IQCM: variants seen among roughly 807,000 people sequenced by gnomAD.
IQCM encodes IQ domain-containing protein M.
A neutral mutation model predicts 57.6 loss-of-function variants in IQCM; 45 were observed. The observed-to-expected ratio is 0.78, with a 90% CI of 0.62 to 1.00. The LOEUF (loss-of-function observed/expected upper bound fraction) is 1.00, where lower values mean the gene tolerates loss of function less well. Ranked by LOEUF, IQCM falls within the 50% of genes least tolerant of loss-of-function variation. The pLI is 0.00. For missense variants in IQCM, 468 were observed against 511.6 expected (o/e 0.91, Z 0.82); for synonymous variants, 148 against 158.9 (o/e 0.93, Z 0.51).
chr4:149,669,143 T>A (rs1432416341), intron 7 of IQCM, among the ~76,000 whole-genome samples: 1 of 152,158 alleles, frequency 6.6e-6, no homozygotes, highest in African/African-American at 2.4e-5. Context: ...GCACCTGTTG[T>A]GTTTCCTGAC....
chr4:149,696,074 T>A (rs1483262713), intron 5 of IQCM, among the ~76,000 whole-genome samples: 2 of 152,320 alleles, frequency 1.3e-5, no homozygotes, highest in East Asian at 3.9e-4. Context: ...CCACACTTCA[T>A]AACAAAATGT....
chr4:149,445,840 T>C (rs570381253), intron 12 of IQCM, among the ~76,000 whole-genome samples: 1 of 151,930 alleles, frequency 6.6e-6, no homozygotes, highest in South Asian at 2.1e-4. Context: ...AAAAGGAATA[T>C]CATTTTTTCC....
chr4:149,624,092 A>C (rs567705457), intron 7 of IQCM, among the ~76,000 whole-genome samples: 1 of 151,854 alleles, frequency 6.6e-6, no homozygotes, highest in East Asian at 2.0e-4. Context: ...TGAGACTTAA[A>C]AGTCTTTCAC....
intron 5 of IQCM, chr4:149,690,984 T>C (rs1762903471): frequency 6.6e-6 from 1 of 152,138 alleles, no homozygotes; most frequent in Non-Finnish European, 1.5e-5. Flanking sequence ...CCTTGTTTAC[T>C]TCAGAAGGTA....
At chr4:149,638,142 A>G (rs1000410054) in intron 7 of IQCM, among the ~76,000 whole-genome samples, 5 of 152,222 alleles carry the variant, frequency 3.3e-5, no homozygotes, top group African/African-American at 1.2e-4. Flanking sequence ...TATTCACAAT[A>G]GAAAATAGAC....
chr4:149,436,111 T>A (rs1315176620), intron 12 of IQCM, among the ~76,000 whole-genome samples: 1 of 152,092 alleles, frequency 6.6e-6, no homozygotes, highest in Admixed American at 6.6e-5. Context: ...CTAGAGCAAA[T>A]TTCAGTCCTA....
intron 9 of IQCM, 138 bp from the exon 10 acceptor site, chr4:149,564,028 T>C (rs1007250136): frequency 1.8e-5 from 8 of 449,326 alleles, no homozygotes; most frequent in Non-Finnish European, 2.9e-5. Context: ...ATGTATGATA[T>C]CACCAGGACA....
intron 13 of IQCM, among the ~76,000 whole-genome samples, chr4:149,387,824 C>A (rs1448309058): frequency 3.3e-5 from 5 of 151,960 alleles, no homozygotes; most frequent in Non-Finnish European, 7.4e-5. Context: ...AAAGCCCACC[C>A]ATTAACAGTC....
chr4:149,777,834 G>A (rs76783301), intron 2 of IQCM, among the ~76,000 whole-genome samples: 3,395 of 152,142 alleles, frequency 0.022, 65 homozygotes, highest in South Asian at 0.035. Flanking sequence ...GCAGTGGTGC[G>A]TTCCCTAACT....
At chr4:149,678,224 C>T (rs1761911702) in intron 7 of IQCM, among the ~76,000 whole-genome samples, 1 of 151,600 alleles carries the variant, frequency 6.6e-6, no homozygotes, top group Admixed American at 6.6e-5. Context: ...TACTCCATGG[C>T]ATATGATAAT....
chr4:149,658,179 C>T (rs931831736), intron 7 of IQCM, among the ~76,000 whole-genome samples: 4 of 151,760 alleles, frequency 2.6e-5, no homozygotes, highest in South Asian at 2.1e-4. Flanking sequence ...TACTGTTGTA[C>T]GTTAAGAGGT....
At chr4:149,672,476 G>A (rs770794132) in intron 7 of IQCM, among the ~76,000 whole-genome samples, 10 of 152,290 alleles carry the variant, frequency 6.6e-5, no homozygotes, top group Middle Eastern at 6.8e-3. Flanking sequence ...ACTACGTGAC[G>A]CATGCGCAAG....
At chr4:149,812,703 T>C (rs1774695608) in intron 2 of IQCM, among the ~76,000 whole-genome samples, 1 of 152,176 alleles carries the variant, frequency 6.6e-6, no homozygotes, top group Admixed American at 6.5e-5. Context: ...TTTGCTTTGA[T>C]TGACAGTGTA....
chr4:149,748,591 T>C (rs1367874129), intron 2 of IQCM: 2 of 152,184 alleles, frequency 1.3e-5, no homozygotes, highest in East Asian at 3.9e-4. Context: ...CTATGGAGTT[T>C]TTCTGTGATC....
At chr4:149,591,884 G>T (rs1014006480) in intron 8 of IQCM, among the ~76,000 whole-genome samples, 5 of 152,066 alleles carry the variant, frequency 3.3e-5, no homozygotes, top group Admixed American at 2.6e-4. Flanking sequence ...CCAAGTCTTT[G>T]CTATTGTGAA....
At chr4:149,584,894 T>G (rs1454398675) in intron 9 of IQCM, among the ~76,000 whole-genome samples, 1 of 151,776 alleles carries the variant, frequency 6.6e-6, no homozygotes, top group East Asian at 1.9e-4. Context: ...GGTGTTCACA[T>G]TAGCAGTCAT....
chr4:149,503,057 A>G (rs1165056824), intron 12 of IQCM, among the ~76,000 whole-genome samples: 1 of 152,078 alleles, frequency 6.6e-6, no homozygotes, highest in African/African-American at 2.4e-5. Flanking sequence ...TACAAAAAAA[A>G]AATTGTTATT....
At chr4:149,675,721 C>T (rs144708975) in intron 7 of IQCM, among the ~76,000 whole-genome samples, 2,469 of 152,066 alleles carry the variant, frequency 0.016, 37 homozygotes, top group Non-Finnish European at 0.024. Context: ...TCTTAAGAGT[C>T]TGAAGGCTGT....
At chr4:149,359,067 G>C (rs1259691633) in intron 13 of IQCM, among the ~76,000 whole-genome samples, 3 of 151,996 alleles carry the variant, frequency 2.0e-5, no homozygotes, top group African/African-American at 7.2e-5. Flanking sequence ...TGGGTAGAGA[G>C]ATCATAAATA....
Sources: allele counts gnomAD v4.1 joint callset (sites outside exome capture counted in the v4.1 genomes callset), GRCh38; gene constraint gnomAD v4.1.1; transcripts MANE v1.5; gene names NCBI Gene and HGNC (gene_info 2026-07-23, HGNC 2026-07-21).